Variants in MTMR12 observed in about 807,000 individuals in gnomAD.
MTMR12 encodes myotubularin related protein 12.
Under a neutral mutation model 96.7 loss-of-function variants are expected in MTMR12, and 33 were observed. The ratio of observed to expected loss-of-function variants is 0.34; its 90% CI spans 0.26 to 0.46. The LOEUF (loss-of-function observed/expected upper bound fraction) is 0.46. MTMR12 is among the 20% of genes least tolerant of loss of function. The probability of loss-of-function intolerance (pLI) is 1.00; values close to 1 mark genes in which losing one functional copy is unlikely to be tolerated. For synonymous variants in MTMR12, 298 were observed against 327.2 expected, an observed-to-expected ratio of 0.91 and a Z score of 0.96; for missense variants, 721 against 896.1, an observed-to-expected ratio of 0.80 and a Z score of 2.49.
chr5:32,253,265 T>C (rs1749012868), intron 8 of MTMR12, among the ~76,000 whole-genome samples: 1 of 152,208 alleles, frequency 6.6e-6, no homozygotes, highest in Non-Finnish European at 1.5e-5. Flanking sequence ...AGAAAGCCTG[T>C]CTTAAAGAAA....
In MTMR12 at chr5:32,263,241, G is replaced by A. The variant is rs997762460; in HGVS notation, c.585C>T (p.Val195=). The stretch of plus-strand genomic sequence containing the variant: ...TTACGGTATGGTTCTTGGGATCAGT[G>A]ACTAAGAGAACAAAATGTAAAAGAC... ...SYATAAQNNT[V]TDPKNHTVMF... The change falls in exon 7 of 16, where the codon GTC becomes GTT. Residue 195 remains valine, a splice_region_variant and synonymous_variant. Transcript: ENST00000382142. 6.2e-7 allele frequency: 1 copy of A among 1,613,818 alleles called. No homozygotes were observed. The highest frequency in any genetic ancestry group is 1.3e-5 in the African/African-American group (1 of 75,006).
At chr5:32,258,350 GTA>G (rs1403230302) in intron 7 of MTMR12, among the ~76,000 whole-genome samples, 1 of 152,168 alleles carries the variant, frequency 6.6e-6, no homozygotes, top group Non-Finnish European at 1.5e-5. Context: ...TTTTTCAGGT[GTA>G]GTCATTGAAG....
intron 3 of MTMR12, among the ~76,000 whole-genome samples, chr5:32,273,730 A>C (rs4505967): frequency 6.6e-6 from 1 of 151,442 alleles, no homozygotes; most frequent in South Asian, 2.1e-4. Context: ...TTTATGTGGG[A>C]TGGTGGGGAG....
intron 1 of MTMR12, among the ~76,000 whole-genome samples, chr5:32,295,030 C>T (rs1750873257): frequency 6.6e-6 from 1 of 152,202 alleles, no homozygotes; most frequent in African/African-American, 2.4e-5. Flanking sequence ...AGAATACAGA[C>T]TAAAGACTGA....
chr5:32,243,417 A>G, intron 11 of MTMR12, 104 bp downstream of exon 11: 2 of 779,432 alleles, frequency 2.6e-6, no homozygotes, highest in Non-Finnish European at 4.2e-6. Flanking sequence ...ATCTAAGAAT[A>G]TTTAACTGTC....
At position 32,275,715 on chromosome 5, in the gene MTMR12, G is replaced by C. The variant is rs182717298; in HGVS notation, c.142+967C>G. 1.2e-4 allele frequency among the ~76,000 whole-genome samples: 19 copies of C among 152,268 alleles called. No individual in the cohort carries two copies. In the East Asian group the frequency reaches 1.9e-3, roughly 15 times the overall value. ...ATGAGACTGTGAAGTAATTCAGGAG[G>C]GGGGAGAATATGCATAATGCTAAGC... is the stretch of plus-strand genomic sequence containing the variant. On this transcript the variant is annotated intron_variant, in intron 2 of 15. Coordinates refer to ENST00000382142, the MANE Select transcript of MTMR12 (RefSeq NM_001040446.3).
At chr5:32,251,359 C>A (rs1266209529) in intron 8 of MTMR12, among the ~76,000 whole-genome samples, 1 of 152,136 alleles carries the variant, frequency 6.6e-6, no homozygotes, top group East Asian at 1.9e-4. Flanking sequence ...CATCTACAGT[C>A]TGAGGCAGAA....
intron 8 of MTMR12, among the ~76,000 whole-genome samples, chr5:32,251,749 C>T (rs867943250): frequency 7.2e-5 from 11 of 152,062 alleles, no homozygotes; most frequent in Admixed American, 3.9e-4. Context: ...AGAGGGAAGG[C>T]CCATGGAACG....
intron 13 of MTMR12, 136 bp downstream of exon 13, chr5:32,238,865 G>A (rs1387761430): frequency 3.2e-6 from 3 of 944,796 alleles, no homozygotes; most frequent in African/African-American, 1.7e-5. Context: ...ACAATGAAAC[G>A]ATCCTAGTTT....
At chr5:32,283,071 T>C (rs1345798237) in intron 1 of MTMR12, among the ~76,000 whole-genome samples, 1 of 152,204 alleles carries the variant, frequency 6.6e-6, no homozygotes, top group Non-Finnish European at 1.5e-5. Flanking sequence ...TGGGTTCCCC[T>C]GAAATTCCCC....
intron 6 of MTMR12, 86 bp from the exon 7 acceptor site, chr5:32,263,328 G>T: frequency 6.5e-7 from 1 of 1,537,018 alleles, no homozygotes; most frequent in Non-Finnish European, 8.9e-7. Context: ...CTTAGGTTTT[G>T]GTTTCCTCCA....
intron 1 of MTMR12, among the ~76,000 whole-genome samples, chr5:32,300,880 G>C (rs546435468): frequency 6.6e-6 from 1 of 152,240 alleles, no homozygotes; most frequent in Non-Finnish European, 1.5e-5. Flanking sequence ...TTCAAGATTA[G>C]CTTGGCCAAC....
chr5:32,297,944 CAAAGA>C (rs1393149559), intron 1 of MTMR12, among the ~76,000 whole-genome samples: 1 of 152,138 alleles, frequency 6.6e-6, no homozygotes, highest in Non-Finnish European at 1.5e-5. Flanking sequence ...CAAAAGGTCA[CAAAGA>C]AAAGAAATGG....
intron 8 of MTMR12, 141 bp downstream of exon 8, chr5:32,255,552 G>A: frequency 1.4e-6 from 1 of 739,970 alleles, no homozygotes; most frequent in Non-Finnish European, 2.2e-6. Context: ...GACTCTTCTA[G>A]GGAGTCCCTA....
intron 8 of MTMR12, among the ~76,000 whole-genome samples, chr5:32,251,266 C>T (rs1329477183): frequency 1.3e-5 from 2 of 151,936 alleles, no homozygotes; most frequent in African/African-American, 2.4e-5. Flanking sequence ...CGTTTTACCT[C>T]GTGATCCGCC....
At chr5:32,247,662 T>G (rs1230486463) in intron 10 of MTMR12, 5 of 839,872 alleles carry the variant, frequency 6.0e-6, no homozygotes, top group Non-Finnish European at 7.2e-6. Context: ...CTTTATAAAT[T>G]ACTGCAAGTC....
At chr5:32,230,780 G>A (rs1472318442) in intron 15 of MTMR12, among the ~76,000 whole-genome samples, 1 of 152,218 alleles carries the variant, frequency 6.6e-6, no homozygotes, top group African/African-American at 2.4e-5. Flanking sequence ...AGAACTTTAA[G>A]GCTGTTAACC....
At chr5:32,265,835 T>C (rs1047572486) in intron 6 of MTMR12, among the ~76,000 whole-genome samples, 2 of 152,244 alleles carry the variant, frequency 1.3e-5, no homozygotes, top group African/African-American at 4.8e-5. Context: ...ACAAGACTTA[T>C]TGCTGCTATT....
intron 7 of MTMR12, among the ~76,000 whole-genome samples, chr5:32,260,330 G>A (rs974133692): frequency 6.6e-6 from 1 of 151,626 alleles, no homozygotes; most frequent in Non-Finnish European, 1.5e-5. Flanking sequence ...CTTGGCATGC[G>A]ACATGGAGAA....
Sources: gnomAD v4.1 joint callset for allele counts (sites outside exome capture counted in the v4.1 genomes callset) on GRCh38, gnomAD v4.1.1 for gene constraint, MANE v1.5 for transcripts, NCBI Gene and HGNC (gene_info 2026-07-23, HGNC 2026-07-21) for gene names.